Variants in ERC2 observed in about 807,000 individuals in gnomAD.
The protein encoded by ERC2 is ELKS/RAB6-interacting/CAST family member 2.
In ERC2, 42 loss-of-function variants were observed where a neutral mutation model predicts 114.8. The observed-to-expected ratio is 0.37, with a 90% CI of 0.29 to 0.47. The LOEUF (loss-of-function observed/expected upper bound fraction) is 0.47, where lower values mean the gene tolerates loss of function less well. Among genes scored for constraint, ERC2 ranks in the 20% least tolerant of loss-of-function variants. The pLI is 0.99. For synonymous variants in ERC2, 454 were observed against 425.5 expected (o/e 1.07, Z -0.82); for missense variants, 939 against 1,150.7 (o/e 0.82, Z 2.66).
At chr3:55,533,269 G>T (rs561588043) in intron 17 of ERC2, among the ~76,000 whole-genome samples, 1 of 152,308 alleles carries the variant, frequency 6.6e-6, no homozygotes, top group African/African-American at 2.4e-5. Flanking sequence ...AAGGGCTCAG[G>T]GTGCTTGGGT....
rs140198398 is a variant in ERC2 at position 56,409,940 on chromosome 3, C to T, written c.657+24411G>A. 6.2e-4 allele frequency among the ~76,000 whole-genome samples: 94 copies of T among 152,326 alleles called. No individual in the cohort carries two copies. In the East Asian group the frequency reaches 0.018, roughly 28 times the overall value. The stretch of plus-strand genomic sequence containing the variant: ...GCAAGAATCACTATCCCCATTTTTA[C>T]AGCTGAAGAAGCATCTCTAAGAAGT... On this transcript the variant is annotated intron_variant, in intron 2 of 17. Coordinates refer to ENST00000288221, the MANE Select transcript of ERC2 (RefSeq NM_015576.3).
chr3:55,830,436 C>T (rs2060518275), intron 14 of ERC2, among the ~76,000 whole-genome samples: 1 of 152,172 alleles, frequency 6.6e-6, no homozygotes, highest in Non-Finnish European at 1.5e-5. Flanking sequence ...CCTTTTAGGG[C>T]CTTCAAACTA....
chr3:56,119,539 C>T (rs1011081491), intron 6 of ERC2, among the ~76,000 whole-genome samples: 3 of 152,198 alleles, frequency 2.0e-5, no homozygotes, highest in African/African-American at 7.2e-5. Flanking sequence ...CTAGAACCAC[C>T]TTTTACTCTT....
intron 17 of ERC2, among the ~76,000 whole-genome samples, chr3:55,673,130 C>T (rs1028043111): frequency 3.9e-5 from 6 of 152,132 alleles, no homozygotes; most frequent in African/African-American, 1.2e-4. Context: ...TTCCACATTC[C>T]GTGAGGGGGA....
chr3:56,165,254 G>A (rs2082261726), intron 4 of ERC2, among the ~76,000 whole-genome samples: 1 of 151,640 alleles, frequency 6.6e-6, no homozygotes. Flanking sequence ...ATGTTCTTTT[G>A]TGGCTGGCTT....
At chr3:56,230,318 A>G (rs1446656933) in intron 3 of ERC2, among the ~76,000 whole-genome samples, 2 of 152,250 alleles carry the variant, frequency 1.3e-5, no homozygotes, top group African/African-American at 4.8e-5. Context: ...TTTAGTAAGT[A>G]AAATAATTTA....
intron 12 of ERC2, among the ~76,000 whole-genome samples, chr3:55,984,277 T>C (rs1174139121): frequency 6.6e-6 from 1 of 151,376 alleles, no homozygotes; most frequent in African/African-American, 2.4e-5. Context: ...TCATGTTCTT[T>C]CACCATGAAA....
At chr3:56,445,995 G>C (rs1559512971) in intron 1 of ERC2, among the ~76,000 whole-genome samples, 1 of 151,724 alleles carries the variant, frequency 6.6e-6, no homozygotes, top group Non-Finnish European at 1.5e-5. Flanking sequence ...TGGCCCTCTT[G>C]TTTAGGTTAA....
At chr3:56,020,528 G>C (rs527997711) in intron 7 of ERC2, among the ~76,000 whole-genome samples, 7 of 152,184 alleles carry the variant, frequency 4.6e-5, no homozygotes, top group Middle Eastern at 6.8e-3. Flanking sequence ...CTCCCTTCCA[G>C]ACAAATGTTC....
chr3:56,287,877 T>C (rs866908952), intron 3 of ERC2, among the ~76,000 whole-genome samples: 7 of 152,248 alleles, frequency 4.6e-5, no homozygotes, highest in Non-Finnish European at 1.0e-4. Flanking sequence ...AGAGTATCGA[T>C]GGAAGAATTA....
At chr3:56,346,207 C>G (rs1398380151) in intron 2 of ERC2, among the ~76,000 whole-genome samples, 3 of 152,142 alleles carry the variant, frequency 2.0e-5, no homozygotes, top group African/African-American at 7.2e-5. Flanking sequence ...AAGAGCTGCC[C>G]TTTATGAATT....
intron 17 of ERC2, among the ~76,000 whole-genome samples, chr3:55,522,768 T>G (rs1183732298): frequency 6.6e-6 from 1 of 152,208 alleles, no homozygotes; most frequent in African/African-American, 2.4e-5. Flanking sequence ...AAGTGAACTC[T>G]GTAAATGTCT....
intron 17 of ERC2, among the ~76,000 whole-genome samples, chr3:55,627,883 C>CTTTTTTTTTT (rs10714648): frequency 1.2e-5 from 1 of 82,576 alleles, no homozygotes; most frequent in African/African-American, 4.8e-5. Context: ...GGACTTGGTG[C>CTTTTTTTTTT]TTTTTTTTTT....
chr3:56,165,307 C>T lies in ERC2; in HGVS notation c.1149+8139G>A, dbSNP rs117376536. On this transcript the variant is annotated intron_variant, in intron 4 of 17. Transcript: ENST00000288221. ...GGGATAGTATTCATTTACGCTATTG[C>T]ATATGGCAATAGCTTTTTTTTTATT... Among the ~76,000 whole-genome samples, 350 of 152,008 alleles carry T rather than the reference C, an allele frequency of 2.3e-3. 8 individuals are homozygous for T. The East Asian group carries it at 0.056, about 24-fold the overall frequency.
At chr3:55,606,506 G>C (rs1367599571) in intron 17 of ERC2, 1 of 152,206 alleles carries the variant, frequency 6.6e-6, no homozygotes, top group African/African-American at 2.4e-5. Flanking sequence ...TGTCCATGTA[G>C]CAAGATCCAA....
At chr3:56,158,403 C>G (rs1300324734) in intron 4 of ERC2, among the ~76,000 whole-genome samples, 1 of 152,204 alleles carries the variant, frequency 6.6e-6, no homozygotes, top group Admixed American at 6.5e-5. Flanking sequence ...CTAAGACTCT[C>G]TCTGCCTAAA....
chr3:56,313,160 A>T (rs2056694494), intron 2 of ERC2, among the ~76,000 whole-genome samples: 1 of 150,526 alleles, frequency 6.6e-6, no homozygotes, highest in South Asian at 2.1e-4. Context: ...AGAGGAAAAT[A>T]TACCACAGTG....
chr3:55,555,175 A>G (rs2055513791), intron 17 of ERC2, among the ~76,000 whole-genome samples: 1 of 152,222 alleles, frequency 6.6e-6, no homozygotes, highest in African/African-American at 2.4e-5. Context: ...TTTCTAATTA[A>G]ACACCAAAAC....
At chr3:56,118,751 C>T (rs2079400340) in intron 6 of ERC2, among the ~76,000 whole-genome samples, 1 of 151,776 alleles carries the variant, frequency 6.6e-6, no homozygotes, top group African/African-American at 2.4e-5. Flanking sequence ...ATTCTCCTGC[C>T]TCAGCCTCCC....
Sources: allele counts gnomAD v4.1 joint callset (sites outside exome capture counted in the v4.1 genomes callset), GRCh38; gene constraint gnomAD v4.1.1; transcripts MANE v1.5; gene names NCBI Gene and HGNC (gene_info 2026-07-23, HGNC 2026-07-21).